ADGRD1: variants seen among roughly 807,000 people sequenced by gnomAD.
ADGRD1 encodes adhesion G protein-coupled receptor D1.
In ADGRD1, 77 loss-of-function variants were observed where a neutral mutation model predicts 113.4. The observed-to-expected ratio is 0.68, with a 90% confidence interval of 0.57 to 0.82. The LOEUF (loss-of-function observed/expected upper bound fraction) is 0.82, where lower values mean the gene tolerates loss of function less well. ADGRD1 is among the 40% of genes least tolerant of loss of function. ADGRD1 has a pLI of 0.00. For synonymous variants in ADGRD1, 474 were observed against 475.0 expected, an observed-to-expected ratio of 1.00 and a Z score of 0.03; for missense variants, 1,036 against 1,139.1, an observed-to-expected ratio of 0.91 and a Z score of 1.30.
At chr12:131,014,433 C>G in intron 13 of ADGRD1, 93 bp downstream of exon 13, 1 of 1,205,778 alleles carries the variant, frequency 8.3e-7, no homozygotes, top group South Asian at 1.5e-5. Flanking sequence ...TAAAGAATCT[C>G]CAACAGCCTT....
intron 13 of ADGRD1, chr12:131,070,872 G>A (rs1885106609): frequency 1.9e-6 from 1 of 519,060 alleles, no homozygotes; most frequent in South Asian, 1.4e-5. Context: ...TGTCTGCACG[G>A]GACGTCCTGG....
intron 18 of ADGRD1, among the ~76,000 whole-genome samples, chr12:131,115,359 G>A (rs1233085236): frequency 6.6e-6 from 1 of 152,130 alleles, no homozygotes; most frequent in South Asian, 2.1e-4. Flanking sequence ...CCCAGAACCA[G>A]CCCCGTGGCC....
At chr12:131,051,075 G>T (rs1032835743) in intron 13 of ADGRD1, among the ~76,000 whole-genome samples, 10 of 152,196 alleles carry the variant, frequency 6.6e-5, no homozygotes, top group African/African-American at 2.2e-4. Flanking sequence ...AGCAGGCCCC[G>T]CCTGCAACAC....
intron 13 of ADGRD1, chr12:131,023,727 C>T (rs1268400240): frequency 1.3e-5 from 2 of 152,174 alleles, no homozygotes; most frequent in African/African-American, 2.4e-5. Context: ...AGTTGTTACC[C>T]ATATTTTGTA....
At chr12:131,126,582 C>G (rs1278286365) in intron 20 of ADGRD1, among the ~76,000 whole-genome samples, 3 of 152,098 alleles carry the variant, frequency 2.0e-5, no homozygotes, top group Admixed American at 6.5e-5. Context: ...TTCTGGTGAC[C>G]CTGAGCTAGG....
chr12:131,015,142 T>C (rs1202568257), intron 13 of ADGRD1, among the ~76,000 whole-genome samples: 1 of 152,272 alleles, frequency 6.6e-6, no homozygotes, highest in Non-Finnish European at 1.5e-5. Context: ...CTCTGCTCTA[T>C]GGCCAAGGCC....
At chr12:131,103,541 G>C (rs1950147194) in intron 15 of ADGRD1, among the ~76,000 whole-genome samples, 1 of 151,538 alleles carries the variant, frequency 6.6e-6, no homozygotes, top group Non-Finnish European at 1.5e-5. Flanking sequence ...ATGGCCCCCT[G>C]GCCCCAGGTT....
rs1879376232 is a variant in ADGRD1, at chr12:131,022,003, C to T, written c.1473+7663C>T. On this transcript the variant is annotated intron_variant, in intron 13 of 24. Coordinates refer to ENST00000261654, the MANE Select transcript of ADGRD1 (RefSeq NM_198827.5). The surrounding 1 kb of genome is among the most constrained non-coding windows in gnomAD (Gnocchi z 4.6). Reference sequence around the variant, plus strand: ...ACAGGTATGAGCCACCGCGCTCGGCCCTGATCTCTTCTTATAAGGATACTG... The same window carrying T: ...ACAGGTATGAGCCACCGCGCTCGGCTCTGATCTCTTCTTATAAGGATACTG... 6.6e-6 allele frequency among the ~76,000 whole-genome samples: 1 copy of T among 152,116 alleles called. No individual in the cohort carries two copies. Among genetic ancestry groups the T allele is most frequent in the Non-Finnish European group, 1.5e-5 (1 of 68,024 alleles).
rs745931883 is a variant in ADGRD1 at position 131,139,196 on chromosome 12, C to G, written c.2558C>G (p.Ser853Cys). ...AATGGGACCCGGCCAGGCATGGCCT[C>G]CACCAAGCTCAGCCCTTGGGACAAG... Reference protein sequence around the residue: ...LMNGTRPGMASTKLSPWDKSS... With the variant: ...LMNGTRPGMACTKLSPWDKSS... The change falls in exon 25 of 25, where the codon TCC becomes TGC. Residue 853 changes from serine (S) to cysteine (C), a missense_variant. Coordinates refer to ENST00000261654, the MANE Select transcript of ADGRD1 (RefSeq NM_198827.5). The G allele has an allele frequency of 6.2e-7, 1 of 1,613,060 alleles. No individual in the cohort carries two copies. The highest frequency in any genetic ancestry group is 2.2e-5 in the East Asian group (1 of 44,878).
chr12:131,130,460 C>T (rs1950886012), intron 20 of ADGRD1, among the ~76,000 whole-genome samples: 1 of 152,310 alleles, frequency 6.6e-6, no homozygotes, highest in South Asian at 2.1e-4. Flanking sequence ...AAGAACAGCA[C>T]CAGGAGGGTC....
chr12:131,001,458 T>G (rs1383266194), intron 9 of ADGRD1, among the ~76,000 whole-genome samples: 4 of 152,256 alleles, frequency 2.6e-5, no homozygotes, highest in Non-Finnish European at 5.9e-5. Flanking sequence ...ATATATGTAT[T>G]CAACAGATAT....
Position 131,120,885 on chromosome 12 carries a change from TTGTA to T in ADGRD1, c.2148_2151del (p.Phe716LeufsTer18). On this transcript the variant is annotated frameshift_variant, in exon 20 of 25. Transcript: ENST00000261654. LOFTEE classifies it high-confidence loss of function. Reference sequence around the variant, plus strand: ...TTGGCGAGTGGCGCCATCTGGGCCTTTGTAGCCCCTGCCCTGTTTGTCATCGTGG... The same window carrying T: ...TTGGCGAGTGGCGCCATCTGGGCCTTGCCCCTGCCCTGTTTGTCATCGTGG... The T allele has an allele frequency of 1.9e-6, 3 of 1,614,188 alleles. No homozygotes were observed. Among genetic ancestry groups the T allele is most frequent in the Non-Finnish European group, 2.5e-6 (3 of 1,180,024 alleles).
At position 131,084,181 on chromosome 12, in the gene ADGRD1, G is replaced by A. The variant is rs55769133; in HGVS notation, c.1548-359G>A. Among the ~76,000 whole-genome samples, 19,162 of 152,204 alleles carry A rather than the reference G, an allele frequency of 0.13. 1,259 individuals carry two copies. The highest frequency in any genetic ancestry group is 0.19 in the Middle Eastern group (56 of 294). The stretch of plus-strand genomic sequence containing the variant: ...TTGAATGTGGTCCCTGGCGTGTGCC[G>A]CTGCCCGTTCTCTAGGCGCAGGGCT... On this transcript the variant is annotated intron_variant, in intron 14 of 24. Coordinates refer to ENST00000261654, the MANE Select transcript of ADGRD1 (RefSeq NM_198827.5). This position sits in a 1 kb window ranked among gnomAD's most constrained non-coding sequence, Gnocchi z 4.5.
chr12:131,056,852 G>A (rs1478686355), intron 13 of ADGRD1, among the ~76,000 whole-genome samples: 2 of 152,288 alleles, frequency 1.3e-5, no homozygotes, highest in Non-Finnish European at 2.9e-5. Context: ...ATGCAAGCAG[G>A]TGTTAATACA....
At chr12:131,100,207 G>C (rs1248199167) in intron 15 of ADGRD1, among the ~76,000 whole-genome samples, 1 of 152,120 alleles carries the variant, frequency 6.6e-6, no homozygotes, top group Non-Finnish European at 1.5e-5. Flanking sequence ...GAGTTTGGTT[G>C]ATGATGCGTC....
chr12:131,093,684 C>T (rs969720562), intron 15 of ADGRD1, among the ~76,000 whole-genome samples: 3 of 152,208 alleles, frequency 2.0e-5, no homozygotes, highest in African/African-American at 7.2e-5. Context: ...GCTCCCTCCA[C>T]GGGGTCTCTG....
At chr12:131,043,949 C>T (rs1161924417) in intron 13 of ADGRD1, among the ~76,000 whole-genome samples, 3 of 152,140 alleles carry the variant, frequency 2.0e-5, no homozygotes, top group African/African-American at 7.2e-5. Flanking sequence ...TTCTGAGGAG[C>T]AGAGTTGGGA....
Position 130,987,270 on chromosome 12 carries a change from C to G in ADGRD1, c.666C>G (p.Asn222Lys). 6.2e-7 allele frequency: 1 copy of G among 1,614,182 alleles called. No homozygotes were observed. The highest frequency in any genetic ancestry group is 2.2e-5 in the East Asian group (1 of 44,886). Residue 222 changes from asparagine to lysine, a missense_variant, in exon 6 of 25, where the codon AAC becomes AAG. Asn to Lys is a moderately conservative substitution (Grantham distance 94). Coordinates refer to ENST00000261654, the MANE Select transcript of ADGRD1 (RefSeq NM_198827.5). ...AGGACCAGGCCAAGTGTTATGAGAACGGTGCTTTCGATGAGTTCATCATCT... is the reference window on the plus strand; with the variant it reads ...AGGACCAGGCCAAGTGTTATGAGAAGGGTGCTTTCGATGAGTTCATCATCT... ...SEQDQAKCYE[N>K]GAFDEFIIWE... is the part of the protein sequence containing the mutation.
chr12:131,083,340 G>GC (rs2137204273), intron 14 of ADGRD1, among the ~76,000 whole-genome samples: 1 of 151,620 alleles, frequency 6.6e-6, no homozygotes, highest in South Asian at 2.1e-4. Context: ...AGTGGCTCAC[G>GC]CCTATAATCC....
Sources: allele counts gnomAD v4.1 joint callset (sites outside exome capture counted in the v4.1 genomes callset), GRCh38; gene constraint gnomAD v4.1.1; non-coding constraint Gnocchi (gnomAD v3.1); transcripts MANE v1.5; gene names NCBI Gene and HGNC (gene_info 2026-07-23, HGNC 2026-07-21).